The following RIT2 variants were observed in gnomAD, a reference collection of about 807,000 sequenced individuals.
RIT2 encodes the protein GTP-binding protein Rit2.
RIT2 carries 24 observed loss-of-function variants against 23.7 expected under a neutral mutation model. The ratio of observed to expected loss-of-function variants is 1.01; its 90% CI spans 0.73 to 1.43. The LOEUF (loss-of-function observed/expected upper bound fraction) is 1.43, where lower values mean the gene tolerates loss of function less well. Among genes scored for constraint, RIT2 ranks in the 40% most tolerant of loss-of-function variants. The probability of loss-of-function intolerance (pLI) is 0.00; values close to 1 mark genes in which losing one functional copy is unlikely to be tolerated. For missense variants in RIT2, 236 were observed against 266.9 expected, an observed-to-expected ratio of 0.88 and a Z score of 0.81; for synonymous variants, 107 against 91.1, an observed-to-expected ratio of 1.17 and a Z score of -0.99.
intron 4 of RIT2, among the ~76,000 whole-genome samples, chr18:42,869,721 C>T (rs1433439769): frequency 2.6e-5 from 4 of 152,180 alleles, no homozygotes; most frequent in African/African-American, 7.2e-5. Flanking sequence ...ATCTTACACA[C>T]CAAAAGTCCA....
intron 4 of RIT2, among the ~76,000 whole-genome samples, chr18:42,894,631 T>C (rs555751533): frequency 1.3e-5 from 2 of 152,284 alleles, no homozygotes; most frequent in African/African-American, 4.8e-5. Flanking sequence ...TGGTAAATAG[T>C]AGACTATGAA....
intron 1 of RIT2, among the ~76,000 whole-genome samples, chr18:43,089,507 C>T (rs1913368038): frequency 6.7e-6 from 1 of 150,318 alleles, no homozygotes; most frequent in South Asian, 2.1e-4. Context: ...CTGCCCAAGA[C>T]AATTTGTAAA....
intron 4 of RIT2, among the ~76,000 whole-genome samples, chr18:42,880,928 C>T (rs1907876069): frequency 1.3e-5 from 2 of 152,042 alleles, no homozygotes; most frequent in South Asian, 4.2e-4. Flanking sequence ...CTGCCTCAGC[C>T]TCCCAAGTAG....
intron 3 of RIT2, among the ~76,000 whole-genome samples, chr18:42,928,498 T>C (rs891407734): frequency 6.6e-6 from 1 of 152,110 alleles, no homozygotes; most frequent in Non-Finnish European, 1.5e-5. Flanking sequence ...ATTTGCATAG[T>C]AGTTAATCAT....
chr18:43,034,216 C>A (rs1277183027), intron 1 of RIT2, among the ~76,000 whole-genome samples: 1 of 152,100 alleles, frequency 6.6e-6, no homozygotes, highest in Non-Finnish European at 1.5e-5. Flanking sequence ...TAATGATGTG[C>A]AAGTCCCTTT....
chr18:43,057,180 G>T (rs554193198), intron 1 of RIT2, among the ~76,000 whole-genome samples: 1 of 152,152 alleles, frequency 6.6e-6, no homozygotes, highest in South Asian at 2.1e-4. Context: ...ATTCATATTT[G>T]TTATATCCAA....
chr18:42,932,378 G>A (rs1015184990), intron 3 of RIT2, among the ~76,000 whole-genome samples: 1 of 152,080 alleles, frequency 6.6e-6, no homozygotes, highest in Admixed American at 6.6e-5. Flanking sequence ...TTTAAGTACT[G>A]CATTTATTCT....
chr18:42,897,580 T>C (rs1908364572), intron 4 of RIT2, among the ~76,000 whole-genome samples: 1 of 152,058 alleles, frequency 6.6e-6, no homozygotes, highest in Admixed American at 6.6e-5. Context: ...CACAAATAAA[T>C]GCATAGCACA....
intron 1 of RIT2, among the ~76,000 whole-genome samples, chr18:43,112,355 G>A (rs62090501): frequency 0.11 from 16,106 of 152,134 alleles, 881 homozygotes; most frequent in East Asian, 0.14. Context: ...GAGTATAAGC[G>A]TGAAATACAT....
chr18:42,814,809 G>T (rs1227392505), intron 4 of RIT2, among the ~76,000 whole-genome samples: 1 of 152,108 alleles, frequency 6.6e-6, no homozygotes, highest in Non-Finnish European at 1.5e-5. Context: ...CCCTTACAGA[G>T]TCCATTCTCC....
chr18:42,956,572 A>G (rs1403736100), intron 3 of RIT2, among the ~76,000 whole-genome samples: 2 of 152,168 alleles, frequency 1.3e-5, no homozygotes, highest in African/African-American at 4.8e-5. Context: ...TATTAAGTCT[A>G]ATGACCTAAT....
At chr18:42,801,093 A>C (rs1274594790) in intron 4 of RIT2, among the ~76,000 whole-genome samples, 1 of 152,204 alleles carries the variant, frequency 6.6e-6, no homozygotes, top group Non-Finnish European at 1.5e-5. Flanking sequence ...ACTATAAAGC[A>C]TCATACAAAT....
At chr18:42,811,770 A>T (rs1163480653) in intron 4 of RIT2, among the ~76,000 whole-genome samples, 1 of 152,078 alleles carries the variant, frequency 6.6e-6, no homozygotes, top group Admixed American at 6.5e-5. Flanking sequence ...TAGAATGTTG[A>T]GTATATAATT....
intron 4 of RIT2, among the ~76,000 whole-genome samples, chr18:42,893,183 G>T (rs112549948): frequency 7.8e-5 from 11 of 140,874 alleles, no homozygotes; most frequent in African/African-American, 2.7e-4. Context: ...AGCCAAGATC[G>T]CCACTGCACT....
intron 2 of RIT2, among the ~76,000 whole-genome samples, chr18:43,027,834 G>A (rs1412976741): frequency 6.6e-6 from 1 of 152,058 alleles, no homozygotes; most frequent in African/African-American, 2.4e-5. Context: ...AATTTGGGTG[G>A]TGCTTAGCTT....
At chr18:42,992,926 G>A (rs938636085) in intron 2 of RIT2, among the ~76,000 whole-genome samples, 1 of 151,980 alleles carries the variant, frequency 6.6e-6, no homozygotes, top group Admixed American at 6.6e-5. Flanking sequence ...ATCTGCTCCC[G>A]ACATGAAATA....
intron 2 of RIT2, among the ~76,000 whole-genome samples, chr18:42,986,737 A>C (rs1910719250): frequency 1.3e-5 from 2 of 151,976 alleles, no homozygotes; most frequent in South Asian, 2.1e-4. Flanking sequence ...CTTGGCCTCA[A>C]GTGATCTGCC....
chr18:42,762,463 A>T (rs1255182419), intron 4 of RIT2, among the ~76,000 whole-genome samples: 1 of 152,228 alleles, frequency 6.6e-6, no homozygotes, highest in African/African-American at 2.4e-5. Context: ...TTTCGGTTGC[A>T]AGATCATTAC....
At chr18:43,031,873 T>C (rs922863160) in intron 2 of RIT2, among the ~76,000 whole-genome samples, 6 of 152,102 alleles carry the variant, frequency 3.9e-5, no homozygotes, top group Non-Finnish European at 8.8e-5. Flanking sequence ...ATAATTTGAA[T>C]GATTTTCAAA....
Sources: gnomAD v4.1 joint callset for allele counts (sites outside exome capture counted in the v4.1 genomes callset) on GRCh38, gnomAD v4.1.1 for gene constraint, MANE v1.5 for transcripts, NCBI Gene and HGNC (gene_info 2026-07-23, HGNC 2026-07-21) for gene names.